DEK: variants seen among roughly 807,000 people sequenced by gnomAD.
DEK encodes DEK proto-oncogene.
Under a neutral mutation model 46.8 loss-of-function variants are expected in DEK, and 28 were observed. The ratio of observed to expected loss-of-function variants is 0.60; its 90% CI spans 0.44 to 0.82. The LOEUF (loss-of-function observed/expected upper bound fraction) is 0.82, where lower values mean the gene tolerates loss of function less well. Ranked by LOEUF, DEK falls within the 40% of genes least tolerant of loss-of-function variation. DEK has a pLI of 0.00. For synonymous variants in DEK, 160 were observed against 144.5 expected, an observed-to-expected ratio of 1.11 and a Z score of -0.77; for missense variants, 416 against 430.6, an observed-to-expected ratio of 0.97 and a Z score of 0.30.
rs539995106 is a variant in DEK, at chr6:18,263,847, TTCC to T, written c.138_140del (p.Glu47del). 2.9e-4 allele frequency: 460 copies of T among 1,604,026 alleles called. No homozygotes were observed. The highest frequency in any genetic ancestry group is 9.3e-4 in the Admixed American group (55 of 58,998). On this transcript the variant is annotated inframe_deletion, in exon 2 of 11. Transcript: ENST00000652689. Reference sequence around the variant, plus strand: ...TTGGGATGCGACTCCCCCCACCTTTTTCCTCCTCCTCCTCCTCCTCGTCGTCCT... The same window carrying T: ...TTGGGATGCGACTCCCCCCACCTTTTTCCTCCTCCTCCTCCTCGTCGTCCT...
chr6:18,232,295 AC>A (rs1471115241), intron 9 of DEK, among the ~76,000 whole-genome samples: 1 of 152,196 alleles, frequency 6.6e-6, no homozygotes, highest in Non-Finnish European at 1.5e-5. Flanking sequence ...CCCTTTGAAA[AC>A]TGGCACAAGA....
At chr6:18,255,982 G>T (rs891025936) in intron 5 of DEK, 131 bp from the exon 6 acceptor site, 8 of 1,036,654 alleles carry the variant, frequency 7.7e-6, no homozygotes, top group Non-Finnish European at 9.1e-6. Context: ...ATGCTTCTAT[G>T]AATCTTTTTT....
chr6:18,254,432 A>T (rs1791519574), intron 6 of DEK, among the ~76,000 whole-genome samples: 2 of 152,206 alleles, frequency 1.3e-5, no homozygotes, highest in African/African-American at 4.8e-5. Context: ...CAGACATTAA[A>T]CAGATGTACA....
chr6:18,263,453 G>A lies in DEK; in HGVS notation c.145+390C>T, dbSNP rs571410664. On this transcript the variant is annotated intron_variant, in intron 2 of 10. Transcript: ENST00000652689. Reference sequence around the variant, plus strand: ...CTTACAATAACTTCAAAAGGCAAAAGATGTGTAATGAAAAGGACAAAATTA... The same window carrying A: ...CTTACAATAACTTCAAAAGGCAAAAAATGTGTAATGAAAAGGACAAAATTA... Among the ~76,000 whole-genome samples the A allele has an allele frequency of 7.2e-5, 11 of 151,992 alleles. No individual in the cohort carries two copies. In the South Asian group the frequency reaches 1.3e-3, roughly 17 times the overall value.
chr6:18,244,940 AATAG>A (rs1292917413), intron 7 of DEK, among the ~76,000 whole-genome samples: 5 of 152,220 alleles, frequency 3.3e-5, no homozygotes, highest in Non-Finnish European at 7.3e-5. Context: ...GAATGGTCCA[AATAG>A]ATAGTTTACC....
chr6:18,252,400 T>C (rs1791416152), intron 6 of DEK, among the ~76,000 whole-genome samples: 1 of 148,174 alleles, frequency 6.7e-6, no homozygotes, highest in Non-Finnish European at 1.5e-5. Flanking sequence ...TCCCAGTTAC[T>C]TGGGTGGCTG....
intron 6 of DEK, among the ~76,000 whole-genome samples, chr6:18,254,992 T>C (rs981852032): frequency 2.6e-5 from 4 of 152,184 alleles, no homozygotes; most frequent in Non-Finnish European, 5.9e-5. Flanking sequence ...AGAGATGGCA[T>C]TCCCCTGAAC....
rs571105598 is a variant in DEK, at chr6:18,251,562, C to G, written c.574-1723G>C. Among the ~76,000 whole-genome samples, 4 of 152,320 alleles carry G rather than the reference C, an allele frequency of 2.6e-5. No homozygotes were observed. In the East Asian group the frequency reaches 7.7e-4, roughly 29 times the overall value. The stretch of plus-strand genomic sequence containing the variant: ...GAACTTGAAGTTGGTGGATCAAAGA[C>G]ATTTCTCAGAGAAGATTCTCTATAA... On this transcript the variant is annotated intron_variant, in intron 6 of 10. Transcript: ENST00000652689.
At chr6:18,259,743 G>A (rs935685136) in intron 2 of DEK, among the ~76,000 whole-genome samples, 1 of 152,122 alleles carries the variant, frequency 6.6e-6, no homozygotes, top group African/African-American at 2.4e-5. Flanking sequence ...CACTGAGGAG[G>A]AATTGATTAT....
chr6:18,234,943 A>T (rs1790584074), intron 9 of DEK, among the ~76,000 whole-genome samples: 1 of 152,132 alleles, frequency 6.6e-6, no homozygotes, highest in East Asian at 1.9e-4. Flanking sequence ...CAGACTCCAA[A>T]ACAGGTCAGT....
At chr6:18,254,004 T>C (rs952025857) in intron 6 of DEK, among the ~76,000 whole-genome samples, 2 of 152,026 alleles carry the variant, frequency 1.3e-5, no homozygotes, top group African/African-American at 2.4e-5. Context: ...CATCAGGCCC[T>C]TCATAGATTT....
intron 4 of DEK, among the ~76,000 whole-genome samples, chr6:18,257,144 G>A (rs538725961): frequency 4.9e-4 from 75 of 152,066 alleles, no homozygotes; most frequent in African/African-American, 1.7e-3. Context: ...AATTTATCAG[G>A]TATTTGCTAA....
rs1487530139 is a variant in DEK, at chr6:18,225,054, G to C, written c.*665C>G. The C allele has an allele frequency of 4.6e-6, 1 of 215,502 alleles. No homozygotes were observed. The highest frequency in any genetic ancestry group is 9.4e-6 in the Non-Finnish European group (1 of 106,784). 13.3% of individuals were successfully genotyped at this position (215,502 alleles called of 1,614,324 possible). A position where few individuals can be genotyped will look rare whatever the true frequency, so the allele number is the denominator to read the frequency against. ...ACATTCCATAGTCTACAACTATAAAGATACCTACCTATGTGAGTTTAAAAA... is the reference window on the plus strand; with the variant it reads ...ACATTCCATAGTCTACAACTATAAACATACCTACCTATGTGAGTTTAAAAA... On this transcript the variant is annotated 3_prime_UTR_variant, in exon 11 of 11. Coordinates refer to ENST00000652689, the MANE Select transcript of DEK (RefSeq NM_003472.4).
At chr6:18,237,856 G>A (rs549018162) in intron 7 of DEK, among the ~76,000 whole-genome samples, 2 of 144,430 alleles carry the variant, frequency 1.4e-5, no homozygotes, top group East Asian at 4.1e-4. Flanking sequence ...CTTTCAACTG[G>A]AATCTTTTTT....
intron 7 of DEK, among the ~76,000 whole-genome samples, chr6:18,247,288 A>G (rs911542430): frequency 6.6e-6 from 1 of 152,174 alleles, no homozygotes; most frequent in Non-Finnish European, 1.5e-5. Context: ...AAAGGGGGGG[A>G]AACAATTTCT....
intron 9 of DEK, among the ~76,000 whole-genome samples, chr6:18,227,379 G>C (rs1443383297): frequency 6.6e-6 from 1 of 152,194 alleles, no homozygotes; most frequent in East Asian, 1.9e-4. Flanking sequence ...ATGTTTATGT[G>C]TATGCATATC....
Position 18,259,394 on chromosome 6 carries a change from C to CAAAAAAAAAAAAAAAAAAAAAAAAAAAA in DEK, c.146-1017_146-990dup, listed in dbSNP as rs56704006. On this transcript the variant is annotated intron_variant, in intron 2 of 10. Transcript: ENST00000652689. The stretch of plus-strand genomic sequence containing the variant: ...TGGGCGACACAGCAAGACTCCGTCT[C>CAAAAAAAAAAAAAAAAAAAAAAAAAAAA]AAAAAAAAAAAAAAAAAAAAAAAAA... Among the ~76,000 whole-genome samples the CAAAAAAAAAAAAAAAAAAAAAAAAAAAA allele has an allele frequency of 4.8e-5, 2 of 41,482 alleles. 1 individual carries two copies. The highest frequency in any genetic ancestry group is 6.8e-4 in the Admixed American group (2 of 2,948). The allele number at this position is 41,482 out of a possible 152,430, so 27.2% of individuals were successfully genotyped here.
At chr6:18,242,049 C>T (rs1561981176) in intron 7 of DEK, among the ~76,000 whole-genome samples, 1 of 152,190 alleles carries the variant, frequency 6.6e-6, no homozygotes, top group Non-Finnish European at 1.5e-5. Flanking sequence ...TGATCTAAAT[C>T]AGGAATTCTA....
At chr6:18,240,178 A>T (rs778959006) in intron 7 of DEK, among the ~76,000 whole-genome samples, 1 of 152,248 alleles carries the variant, frequency 6.6e-6, no homozygotes, top group Admixed American at 6.5e-5. Context: ...GTCAAAGCAT[A>T]AACATTTATA....
Sources: allele counts gnomAD v4.1 joint callset (sites outside exome capture counted in the v4.1 genomes callset), GRCh38; gene constraint gnomAD v4.1.1; transcripts MANE v1.5; gene names NCBI Gene and HGNC (gene_info 2026-07-23, HGNC 2026-07-21).